ZNF140: variants seen among roughly 807,000 people sequenced by gnomAD.
ZNF140 encodes the protein zinc finger protein 140, also known as zinc finger protein 140 (clone pHZ-39).
Under a neutral mutation model 12.9 loss-of-function variants are expected in ZNF140, and 13 were observed. That is an observed-to-expected ratio of 1.01 (90% CI 0.66 to 1.60). The LOEUF (loss-of-function observed/expected upper bound fraction) is 1.60. Ranked by LOEUF, ZNF140 falls within the 40% of genes most tolerant of loss-of-function variation. The pLI, the probability that ZNF140 is intolerant of heterozygous loss-of-function variation, is 0.00. For synonymous variants in ZNF140, 214 were observed against 186.7 expected, an observed-to-expected ratio of 1.15 and a Z score of -1.19; for missense variants, 531 against 548.8, an observed-to-expected ratio of 0.97 and a Z score of 0.32.
At chr12:133,087,986 C>T (rs1490377974) in intron 4 of ZNF140, among the ~76,000 whole-genome samples, 4 of 151,834 alleles carry the variant, frequency 2.6e-5, no homozygotes, top group East Asian at 1.9e-4. Flanking sequence ...AAAAATTAGC[C>T]GGGTGTGGTG....
At chr12:133,099,933 G>GT (rs1163104116) in intron 4 of ZNF140, among the ~76,000 whole-genome samples, 2,190 of 144,784 alleles carry the variant, frequency 0.015, 37 homozygotes, top group East Asian at 0.086. Context: ...GGGCTTGAGA[G>GT]TTTTTTTTTT....
chr12:133,095,674 A>C (rs899571580), intron 4 of ZNF140, among the ~76,000 whole-genome samples: 1 of 151,782 alleles, frequency 6.6e-6, no homozygotes, highest in Admixed American at 6.6e-5. Context: ...TATTTCAGCA[A>C]AAAGGAATGT....
chr12:133,103,558 C>T (rs1209881078), intron 4 of ZNF140, among the ~76,000 whole-genome samples: 2 of 151,986 alleles, frequency 1.3e-5, no homozygotes, highest in Non-Finnish European at 2.9e-5. Context: ...CAGGCATGAG[C>T]CACCACACCC....
At chr12:133,086,676 T>C (rs1307065815) in intron 4 of ZNF140, among the ~76,000 whole-genome samples, 5 of 152,196 alleles carry the variant, frequency 3.3e-5, no homozygotes, top group African/African-American at 9.7e-5. Context: ...TTTTCTTTTA[T>C]GTTTAGTATT....
intron 2 of ZNF140, chr12:133,081,546 C>T: frequency 2.2e-6 from 1 of 456,318 alleles, no homozygotes; most frequent in Non-Finnish European, 4.4e-6. Flanking sequence ...TGGGACGTGG[C>T]TTTCTTTCTC....
intron 4 of ZNF140, among the ~76,000 whole-genome samples, chr12:133,102,484 G>C (rs2137572483): frequency 6.6e-6 from 1 of 152,244 alleles, no homozygotes; most frequent in Non-Finnish European, 1.5e-5. Context: ...CTAGCACTTT[G>C]GGAGGCCGAG....
At position 133,081,371 on chromosome 12, in the gene ZNF140, A is replaced by ATATATATATATATATATATATAT. The variant is rs1593734785; in HGVS notation, c.9+42_9+43insTATATATATATATATATATATAT. The stretch of plus-strand genomic sequence containing the variant: ...TAAATATATATATATATATATATAT[A>ATATATATATATATATATATATAT]AATTTTTATTTTTTTTTTAAGAGAG... On this transcript the variant is annotated intron_variant, in intron 2 of 4. Coordinates refer to ENST00000355557, the MANE Select transcript of ZNF140 (RefSeq NM_003440.4). 2.3e-3 allele frequency: 587 copies of ATATATATATATATATATATATAT among 251,298 alleles called. 12 individuals carry two copies. The highest frequency in any genetic ancestry group is 3.0e-3 in the Non-Finnish European group (451 of 149,232). 15.6% of individuals were successfully genotyped at this position (251,298 alleles called of 1,614,324 possible).
Position 133,090,660 on chromosome 12 carries a change from A to G in ZNF140, c.232+7099A>G, listed in dbSNP as rs897721068. On this transcript the variant is annotated intron_variant, in intron 4 of 4. Coordinates refer to ENST00000355557, the MANE Select transcript of ZNF140 (RefSeq NM_003440.4). ...ACAACAGTGGGCCCAGGGGACCAGC[A>G]CTCAGCATACCAAGGACCTGCACCA... is the stretch of plus-strand genomic sequence containing the variant. 1.6e-3 allele frequency among the ~76,000 whole-genome samples: 232 copies of G among 146,294 alleles called. 1 individual carries two copies. Among genetic ancestry groups the G allele is most frequent in the Non-Finnish European group, 2.6e-3 (175 of 66,306 alleles).
intron 4 of ZNF140, among the ~76,000 whole-genome samples, chr12:133,095,804 TTA>T (rs1277857685): frequency 1.3e-5 from 2 of 151,974 alleles, no homozygotes; most frequent in African/African-American, 2.4e-5. Context: ...TAATCCAGAT[TTA>T]TGTTTCTCTC....
chr12:133,081,299 T>A lies in ZNF140; in HGVS notation c.-22T>A. 2 of 1,532,988 alleles carry A rather than the reference T, an allele frequency of 1.3e-6. No homozygotes were observed. Among genetic ancestry groups the A allele is most frequent in the African/African-American group, 2.8e-5 (2 of 71,728 alleles). The allele number at this position is 1,532,988 out of a possible 1,614,324, so 95.0% of individuals were successfully genotyped here. A position where few individuals can be genotyped will look rare whatever the true frequency, so the allele number is the denominator to read the frequency against. On this transcript the variant is annotated 5_prime_UTR_variant, in exon 2 of 5. Coordinates refer to ENST00000355557, the MANE Select transcript of ZNF140 (RefSeq NM_003440.4). ...TCTGCCATTTTACACTTTTCTGATC[T>A]CCTCCTTCCCTTCTGTGAGCTATGT...
intron 2 of ZNF140, 199 bp downstream of exon 2, chr12:133,081,528 T>C: frequency 2.2e-6 from 1 of 457,714 alleles, no homozygotes; most frequent in South Asian, 1.6e-5. Context: ...GCCGTGTTTT[T>C]CAGGACTTGG....
intron 4 of ZNF140, chr12:133,093,526 C>T: frequency 2.9e-6 from 2 of 695,604 alleles, no homozygotes; most frequent in Non-Finnish European, 5.2e-6. Context: ...AAACTGGAAG[C>T]TGATTTATTT....
intron 4 of ZNF140, among the ~76,000 whole-genome samples, chr12:133,092,778 C>T (rs1954937138): frequency 6.6e-6 from 1 of 151,068 alleles, no homozygotes; most frequent in African/African-American, 2.5e-5. Context: ...TGGGCCTGGC[C>T]CGTACAATCA....
intron 2 of ZNF140, chr12:133,081,731 G>A: frequency 8.8e-6 from 3 of 341,482 alleles, no homozygotes; most frequent in South Asian, 6.2e-5. Flanking sequence ...CTGTTACATC[G>A]CCTCCTCTTT....
At chr12:133,086,612 G>A (rs1954684836) in intron 4 of ZNF140, among the ~76,000 whole-genome samples, 1 of 151,916 alleles carries the variant, frequency 6.6e-6, no homozygotes, top group Non-Finnish European at 1.5e-5. Flanking sequence ...AACCTTCATA[G>A]CTTCTTTTGA....
At chr12:133,081,229 C>A in intron 1 of ZNF140, 44 bp from the exon 2 acceptor site, 1 of 1,021,920 alleles carries the variant, frequency 9.8e-7, no homozygotes, top group Non-Finnish European at 1.5e-6. Flanking sequence ...TTGGGCGCGG[C>A]CTAGCTGGCC....
At chr12:133,094,786 G>GAGT (rs1955010269) in intron 4 of ZNF140, among the ~76,000 whole-genome samples, 1 of 151,164 alleles carries the variant, frequency 6.6e-6, no homozygotes, top group African/African-American at 2.5e-5. Context: ...GCACTCACTC[G>GAGT]GCTGAGGAGG....
chr12:133,094,310 T>A (rs779889820), intron 4 of ZNF140, among the ~76,000 whole-genome samples: 9 of 151,320 alleles, frequency 5.9e-5, no homozygotes, highest in African/African-American at 9.8e-5. Flanking sequence ...TGGCTGGTTC[T>A]TTATTATTTA....
At position 133,081,348 on chromosome 12, in the gene ZNF140, A is replaced by AATATATATATAAATATATATATATAT. The variant is rs1954477565; in HGVS notation, c.9+30_9+31insAATATATATATATATATATATATATA. 3.2e-6 allele frequency: 1 copy of AATATATATATAAATATATATATATAT among 311,778 alleles called. No homozygotes were observed. Among genetic ancestry groups the AATATATATATAAATATATATATATAT allele is most frequent in the Non-Finnish European group, 6.0e-6 (1 of 167,694 alleles). 19.3% of individuals were successfully genotyped at this position (311,778 alleles called of 1,614,324 possible). ...GTCTCAGGTAAGCTAATGATTGATA[A>AATATATATATAAATATATATATATAT]ATATATATATATATATATATATAAA... On this transcript the variant is annotated intron_variant, in intron 2 of 4. Coordinates refer to ENST00000355557, the MANE Select transcript of ZNF140 (RefSeq NM_003440.4).
Sources: allele counts gnomAD v4.1 joint callset (sites outside exome capture counted in the v4.1 genomes callset), GRCh38; gene constraint gnomAD v4.1.1; transcripts MANE v1.5; gene names NCBI Gene and HGNC (gene_info 2026-07-23, HGNC 2026-07-21).